Variants in NAALADL2 observed in about 807,000 individuals in gnomAD.
NAALADL2 encodes the protein N-acetylated alpha-linked acidic dipeptidase like 2, also known as inactive N-acetylated-alpha-linked acidic dipeptidase-like protein 2.
A neutral mutation model predicts 87.2 loss-of-function variants in NAALADL2; 76 were observed. The ratio of observed to expected loss-of-function variants is 0.87; its 90% CI spans 0.72 to 1.05. NAALADL2 has a LOEUF of 1.05. NAALADL2 is among the 50% of genes least tolerant of loss of function. The pLI, the probability that NAALADL2 is intolerant of heterozygous loss-of-function variation, is 0.00. For missense variants in NAALADL2, 1,089 were observed against 945.8 expected (o/e 1.15, Z -1.99); for synonymous variants, 354 against 331.0 (o/e 1.07, Z -0.75).
At chr3:174,742,744 A>G (rs990334061) in intron 3 of NAALADL2, among the ~76,000 whole-genome samples, 3 of 151,736 alleles carry the variant, frequency 2.0e-5, no homozygotes, top group Non-Finnish European at 4.4e-5. Flanking sequence ...TCTGTTTTTT[A>G]ATGCATTTAA....
chr3:175,324,060 AAG>A (rs1392901811), intron 4 of NAALADL2, 113 bp from the exon 5 acceptor site: 8 of 785,406 alleles, frequency 1.0e-5, no homozygotes, highest in East Asian at 2.9e-5. Flanking sequence ...GAAAAAGAAA[AAG>A]AAAAAAAAAC....
chr3:174,472,896 A>G (rs560327963), intron 1 of NAALADL2, among the ~76,000 whole-genome samples: 13 of 152,206 alleles, frequency 8.5e-5, no homozygotes, highest in African/African-American at 2.9e-4. Flanking sequence ...ATTTGTGTTT[A>G]TTGTGCAGTA....
Position 175,717,768 on chromosome 3 carries a change from T to C in NAALADL2, c.1897-19538T>C, listed in dbSNP as rs149260280. ...AACCTTGAAGGAGATGATTGAAGTT[T>C]AGAGTTTAGTCTAACAGTGACCTCA... On this transcript the variant is annotated intron_variant, in intron 11 of 13. Coordinates refer to ENST00000454872, the MANE Select transcript of NAALADL2 (RefSeq NM_207015.3). 6.0e-3 allele frequency among the ~76,000 whole-genome samples: 904 copies of C among 149,654 alleles called. 12 individuals carry two copies. The highest frequency in any genetic ancestry group is 0.021 in the African/African-American group (855 of 41,012).
chr3:175,025,523 T>C (rs947548917), intron 1 of NAALADL2, among the ~76,000 whole-genome samples: 17 of 152,270 alleles, frequency 1.1e-4, no homozygotes, highest in Middle Eastern at 3.4e-3. Flanking sequence ...AAAATAAGTA[T>C]TGAAAGTGCA....
chr3:175,112,278 A>G (rs1057138489), intron 2 of NAALADL2, among the ~76,000 whole-genome samples: 36 of 151,206 alleles, frequency 2.4e-4, no homozygotes, highest in African/African-American at 8.7e-4. Context: ...TTTTCCCCAA[A>G]TTCTTGTTAA....
Position 175,400,110 on chromosome 3 carries a change from C to T in NAALADL2, c.1091-47119C>T, listed in dbSNP as rs373052596. 2.6e-5 allele frequency among the ~76,000 whole-genome samples: 4 copies of T among 152,098 alleles called. No individual in the cohort carries two copies. The East Asian group carries it at 7.7e-4, about 29-fold the overall frequency. ...ATTCTCTATATGAAAAGGGACTGAA[C>T]TGAGCAGTCAATAAATATCTGAAAG... is the stretch of plus-strand genomic sequence containing the variant. On this transcript the variant is annotated intron_variant, in intron 5 of 13. Coordinates refer to ENST00000454872, the MANE Select transcript of NAALADL2 (RefSeq NM_207015.3).
intron 5 of NAALADL2, among the ~76,000 whole-genome samples, chr3:175,413,833 TAAAATA>T (rs1170344510): frequency 6.6e-6 from 1 of 151,926 alleles, no homozygotes; most frequent in Non-Finnish European, 1.5e-5. Flanking sequence ...ATTAATAAAA[TAAAATA>T]AAAATAAAAA....
chr3:175,651,321 A>G (rs1730734654), intron 11 of NAALADL2, among the ~76,000 whole-genome samples: 1 of 152,202 alleles, frequency 6.6e-6, no homozygotes. Context: ...AAGGCAGATC[A>G]TGTCAAATTT....
At chr3:175,011,959 TAAG>T (rs1369236758) in intron 1 of NAALADL2, among the ~76,000 whole-genome samples, 1 of 152,102 alleles carries the variant, frequency 6.6e-6, no homozygotes, top group East Asian at 1.9e-4. Flanking sequence ...TTACAGTCAA[TAAG>T]AAGGTTATCA....
chr3:175,158,807 A>G (rs1303183825), intron 2 of NAALADL2, among the ~76,000 whole-genome samples: 3 of 152,106 alleles, frequency 2.0e-5, no homozygotes. Flanking sequence ...TTGTCAGAAA[A>G]TATGAATAAA....
intron 1 of NAALADL2, among the ~76,000 whole-genome samples, chr3:174,510,695 T>C (rs1719543925): frequency 6.6e-6 from 1 of 151,756 alleles, no homozygotes; most frequent in Admixed American, 6.6e-5. Context: ...TTCTATTTCA[T>C]AGATTTCTGC....
chr3:175,560,899 C>T (rs138426680), intron 9 of NAALADL2, among the ~76,000 whole-genome samples: 5 of 152,128 alleles, frequency 3.3e-5, no homozygotes, highest in South Asian at 2.1e-4. Flanking sequence ...GGATTACAGG[C>T]GTGAACCATT....
At chr3:175,667,748 T>C (rs983204294) in intron 11 of NAALADL2, among the ~76,000 whole-genome samples, 239 of 151,206 alleles carry the variant, frequency 1.6e-3, no homozygotes, top group African/African-American at 5.4e-3. Flanking sequence ...TTGCTGTTTT[T>C]TTTTTTTTTT....
intron 1 of NAALADL2, among the ~76,000 whole-genome samples, chr3:174,997,622 C>T (rs1314075304): frequency 6.6e-6 from 1 of 152,022 alleles, no homozygotes; most frequent in African/African-American, 2.4e-5. Flanking sequence ...ATCAGGGGTT[C>T]AAGACCAGCC....
At chr3:174,893,948 A>T (rs977313561) in intron 1 of NAALADL2, among the ~76,000 whole-genome samples, 1 of 152,142 alleles carries the variant, frequency 6.6e-6, no homozygotes, top group African/African-American at 2.4e-5. Context: ...CAAAAACAAG[A>T]CCCATTGATT....
At chr3:175,745,682 A>C (rs908020781) in intron 12 of NAALADL2, among the ~76,000 whole-genome samples, 2 of 152,208 alleles carry the variant, frequency 1.3e-5, no homozygotes, top group Admixed American at 6.5e-5. Flanking sequence ...GTATGTCCAA[A>C]AAATGCATTT....
chr3:174,775,601 G>A (rs1715111910), intron 3 of NAALADL2, among the ~76,000 whole-genome samples: 1 of 95,780 alleles, frequency 1.0e-5, no homozygotes, highest in African/African-American at 3.5e-5. Flanking sequence ...GTAAACCAAT[G>A]GCTTGTTAAA....
intron 11 of NAALADL2, among the ~76,000 whole-genome samples, chr3:175,695,190 T>C (rs1236030659): frequency 6.6e-6 from 1 of 152,184 alleles, no homozygotes; most frequent in African/African-American, 2.4e-5. Flanking sequence ...AACAAGATTC[T>C]TTCAGGCATA....
chr3:174,969,662 T>A (rs1743348436), intron 1 of NAALADL2, among the ~76,000 whole-genome samples: 1 of 152,282 alleles, frequency 6.6e-6, no homozygotes, highest in African/African-American at 2.4e-5. Context: ...ACGGAGGCCA[T>A]GATAATGTAA....
Sources: gnomAD v4.1 joint callset for allele counts (sites outside exome capture counted in the v4.1 genomes callset) on GRCh38, gnomAD v4.1.1 for gene constraint, MANE v1.5 for transcripts, NCBI Gene and HGNC (gene_info 2026-07-23, HGNC 2026-07-21) for gene names.